The following SLIT3 variants were observed in gnomAD, a reference collection of about 807,000 sequenced individuals.
SLIT3 encodes slit guidance ligand 3, also known as slit homolog 3 protein.
SLIT3 carries 68 observed loss-of-function variants against 184.0 expected under a neutral mutation model. The observed-to-expected ratio is 0.37, with a 90% CI of 0.30 to 0.45. The LOEUF is 0.45. Among genes scored for constraint, SLIT3 ranks in the 20% least tolerant of loss-of-function variants. SLIT3 has a pLI of 1.00. For missense variants in SLIT3, 1,707 were observed against 2,026.0 expected (o/e 0.84, Z 3.02); for synonymous variants, 831 against 828.6 (o/e 1.00, Z -0.05).
chr5:169,218,456 C>T, intron 3 of SLIT3, among the ~76,000 whole-genome samples: 1 of 152,328 alleles, frequency 6.6e-6, no homozygotes, highest in Non-Finnish European at 1.5e-5. Flanking sequence ...AACTCAGCAC[C>T]TCAGGCCATG....
intron 4 of SLIT3, among the ~76,000 whole-genome samples, chr5:168,906,519 A>G (rs1425142974): frequency 6.6e-6 from 1 of 152,228 alleles, no homozygotes; most frequent in Non-Finnish European, 1.5e-5. Context: ...GTGTTTGTGC[A>G]TGACTGTGAA....
chr5:169,062,624 G>T (rs1758212854), intron 4 of SLIT3, among the ~76,000 whole-genome samples: 1 of 152,152 alleles, frequency 6.6e-6, no homozygotes, highest in Non-Finnish European at 1.5e-5. Flanking sequence ...CTATTGCATT[G>T]TCTTCCTATT....
intron 27 of SLIT3, among the ~76,000 whole-genome samples, chr5:168,697,838 A>G (rs1762105522): frequency 6.6e-6 from 1 of 152,222 alleles, no homozygotes; most frequent in African/African-American, 2.4e-5. Flanking sequence ...TAGGTTTCTG[A>G]AAGTCCTAAA....
At chr5:168,695,578 G>A (rs1319679853) in intron 28 of SLIT3, among the ~76,000 whole-genome samples, 1 of 152,216 alleles carries the variant, frequency 6.6e-6, no homozygotes, top group African/African-American at 2.4e-5. Context: ...AAAGCGGGCT[G>A]TGTTTGCACC....
intron 20 of SLIT3, among the ~76,000 whole-genome samples, chr5:168,746,135 C>T (rs1175469857): frequency 1.3e-5 from 2 of 152,164 alleles, no homozygotes; most frequent in Non-Finnish European, 2.9e-5. Context: ...GCAGTTTGTG[C>T]TTTATGGTGG....
At chr5:168,997,051 G>T (rs1254796696) in intron 4 of SLIT3, among the ~76,000 whole-genome samples, 1 of 152,176 alleles carries the variant, frequency 6.6e-6, no homozygotes, top group Admixed American at 6.5e-5. Context: ...ATGAAAGGGA[G>T]GGATCAACCG....
At chr5:169,036,092 C>G (rs1165064066) in intron 4 of SLIT3, 1 of 152,184 alleles carries the variant, frequency 6.6e-6, no homozygotes, top group Non-Finnish European at 1.5e-5. Context: ...TATGTTTTTT[C>G]TCATTTGAGT....
chr5:169,143,706 C>G (rs1761824505), intron 4 of SLIT3, among the ~76,000 whole-genome samples: 1 of 152,156 alleles, frequency 6.6e-6, no homozygotes, highest in Non-Finnish European at 1.5e-5. Flanking sequence ...GAGGCTGAGG[C>G]CCGAGAATCA....
chr5:169,089,308 T>G (rs1019951985), intron 4 of SLIT3, among the ~76,000 whole-genome samples: 16 of 152,096 alleles, frequency 1.1e-4, no homozygotes, highest in African/African-American at 2.7e-4. Context: ...TCTAGAAACC[T>G]CTTCCTGAGA....
At chr5:169,117,625 G>C (rs1760723096) in intron 4 of SLIT3, among the ~76,000 whole-genome samples, 2 of 152,180 alleles carry the variant, frequency 1.3e-5, no homozygotes, top group Non-Finnish European at 2.9e-5. Flanking sequence ...AGGATTTCTA[G>C]GGACTAAGAG....
chr5:168,835,052 G>A (rs533929732), intron 6 of SLIT3, among the ~76,000 whole-genome samples: 315 of 152,222 alleles, frequency 2.1e-3, no homozygotes, highest in Non-Finnish European at 3.3e-3. Flanking sequence ...CAAGAGTCAC[G>A]TGTGGCCAGG....
At chr5:168,883,480 G>C in intron 4 of SLIT3, 144 bp from the exon 5 acceptor site, 1 of 627,860 alleles carries the variant, frequency 1.6e-6, no homozygotes, top group Non-Finnish European at 2.8e-6. Flanking sequence ...CGGGCCCCAG[G>C]CTGCTACAAG....
chr5:168,770,599 G>A (rs1755513167), intron 14 of SLIT3, among the ~76,000 whole-genome samples: 1 of 152,054 alleles, frequency 6.6e-6, no homozygotes, highest in Non-Finnish European at 1.5e-5. Flanking sequence ...CTACGTGTCA[G>A]TCTCATGCTA....
chr5:169,107,020 A>G (rs1760237065), intron 4 of SLIT3, among the ~76,000 whole-genome samples: 1 of 152,216 alleles, frequency 6.6e-6, no homozygotes, highest in Admixed American at 6.5e-5. Flanking sequence ...GGCAGCCCCT[A>G]ATCCAAGGCC....
chr5:168,865,209 GA>G (rs937281857), intron 5 of SLIT3, among the ~76,000 whole-genome samples: 6 of 148,630 alleles, frequency 4.0e-5, no homozygotes, highest in Non-Finnish European at 5.9e-5. Flanking sequence ...CATGGATAAG[GA>G]AAAAAAATAA....
chr5:168,830,364 A>G (rs1391975527), intron 6 of SLIT3, among the ~76,000 whole-genome samples: 1 of 152,124 alleles, frequency 6.6e-6, no homozygotes, highest in Non-Finnish European at 1.5e-5. Flanking sequence ...ATCCAGCTGT[A>G]CACTGCTCTA....
intron 4 of SLIT3, among the ~76,000 whole-genome samples, chr5:169,088,102 C>T (rs563605950): frequency 4.6e-5 from 7 of 152,282 alleles, no homozygotes; most frequent in South Asian, 4.1e-4. Flanking sequence ...CATTCCCTAC[C>T]GCTGTTTTCT....
chr5:168,843,604 C>T (rs951885215), intron 6 of SLIT3, among the ~76,000 whole-genome samples: 2 of 152,154 alleles, frequency 1.3e-5, no homozygotes, highest in Non-Finnish European at 2.9e-5. Flanking sequence ...GCTCCCAGAG[C>T]CGAAGAGACT....
At chr5:168,882,243 G>C (rs1413892582) in intron 5 of SLIT3, among the ~76,000 whole-genome samples, 1 of 152,142 alleles carries the variant, frequency 6.6e-6, no homozygotes, top group Non-Finnish European at 1.5e-5. Context: ...GGGCAGAAGT[G>C]CTTGCTCAGC....
Sources: allele counts gnomAD v4.1 joint callset (sites outside exome capture counted in the v4.1 genomes callset), GRCh38; gene constraint gnomAD v4.1.1; transcripts MANE v1.5; gene names NCBI Gene and HGNC (gene_info 2026-07-23, HGNC 2026-07-21).